The following CDH4 variants were observed in gnomAD, a reference collection of about 807,000 sequenced individuals.
CDH4 encodes cadherin-4.
CDH4 carries 33 observed loss-of-function variants against 86.0 expected under a neutral mutation model. That is an observed-to-expected ratio of 0.38 (90% CI 0.29 to 0.51). The LOEUF (loss-of-function observed/expected upper bound fraction) is 0.51. Among genes scored for constraint, CDH4 ranks in the 20% least tolerant of loss-of-function variants. The probability of loss-of-function intolerance (pLI) is 0.86; values close to 1 mark genes in which losing one functional copy is unlikely to be tolerated. For missense variants in CDH4, 1,114 were observed against 1,307.4 expected (o/e 0.85, Z 2.28); for synonymous variants, 555 against 549.4 (o/e 1.01, Z -0.14).
intron 2 of CDH4, among the ~76,000 whole-genome samples, chr20:61,631,058 G>A (rs1189736340): frequency 2.6e-5 from 4 of 152,242 alleles, no homozygotes; most frequent in Non-Finnish European, 5.9e-5. Flanking sequence ...TCTAACGTGT[G>A]AGGACAGAGG....
intron 6 of CDH4, 84 bp from the exon 7 acceptor site, chr20:61,873,644 G>A: frequency 6.9e-7 from 1 of 1,445,834 alleles, no homozygotes; most frequent in South Asian, 1.3e-5. Flanking sequence ...GAGCTCTGTG[G>A]TCGGGGGGCT....
Position 61,884,680 on chromosome 20 carries a change from GCACCT to G in CDH4, c.1051-10223_1051-10219del, listed in dbSNP as rs140179149. ...CTGCATTTGAAGGCTGAAGGGCTGA[GCACCT>G]CACCTCGGGGGCGGCTGCTGCTAGT... On this transcript the variant is annotated intron_variant, in intron 7 of 15. Transcript: ENST00000614565. Among the ~76,000 whole-genome samples the G allele has an allele frequency of 7.9e-3, 1,202 of 152,326 alleles. 12 individuals carry two copies. Among genetic ancestry groups the G allele is most frequent in the Non-Finnish European group, 0.014 (942 of 68,024 alleles).
chr20:61,547,229 CT>C (rs1225689407), intron 2 of CDH4, among the ~76,000 whole-genome samples: 2 of 118,978 alleles, frequency 1.7e-5, no homozygotes, highest in African/African-American at 6.2e-5. Flanking sequence ...TTTTTGCCCC[CT>C]GAGACGGAGT....
At chr20:61,342,939 C>G (rs1267605543) in intron 2 of CDH4, among the ~76,000 whole-genome samples, 1 of 152,204 alleles carries the variant, frequency 6.6e-6, no homozygotes, top group African/African-American at 2.4e-5. Context: ...AAAACAAAAA[C>G]AAAAAGTAAC....
chr20:61,689,849 G>A (rs868467243), intron 2 of CDH4, among the ~76,000 whole-genome samples: 2 of 136,952 alleles, frequency 1.5e-5, no homozygotes. Flanking sequence ...TGGGACGGTG[G>A]TTGGTGAGGT....
chr20:61,307,701 T>A lies in CDH4; in HGVS notation c.169+52764T>A. On this transcript the variant is annotated intron_variant, in intron 2 of 15. Transcript: ENST00000614565. ...ACTACATCAGGAAGAGGGGCTTTTGTTTTCTTTCCTGGGTGGTCCTAGGTG... is the reference window on the plus strand; with the variant it reads ...ACTACATCAGGAAGAGGGGCTTTTGATTTCTTTCCTGGGTGGTCCTAGGTG... Among the ~76,000 whole-genome samples the A allele has an allele frequency of 1.3e-5, 2 of 152,164 alleles. 1 individual carries two copies. The highest frequency in any genetic ancestry group is 2.9e-5 in the Non-Finnish European group (2 of 68,030).
chr20:61,389,994 G>A (rs529860451), intron 2 of CDH4, among the ~76,000 whole-genome samples: 4 of 146,664 alleles, frequency 2.7e-5, no homozygotes, highest in African/African-American at 1.0e-4. Context: ...ATGAGATCAT[G>A]CAGTCATAGG....
At chr20:61,724,561 C>T (rs989528030) in intron 2 of CDH4, among the ~76,000 whole-genome samples, 4 of 152,204 alleles carry the variant, frequency 2.6e-5, no homozygotes, top group African/African-American at 9.7e-5. Context: ...ACAGAAGAGG[C>T]AGCAGGAAGT....
At chr20:61,772,812 T>C (rs2088789397) in intron 3 of CDH4, among the ~76,000 whole-genome samples, 191 bp from the exon 4 acceptor site, 1 of 152,008 alleles carries the variant, frequency 6.6e-6, no homozygotes, top group Non-Finnish European at 1.5e-5. Flanking sequence ...GGGGTCTCAC[T>C]TGATTTTTTT....
intron 2 of CDH4, among the ~76,000 whole-genome samples, chr20:61,699,279 G>A (rs191539559): frequency 1.3e-5 from 2 of 152,114 alleles, no homozygotes; most frequent in East Asian, 3.9e-4. Flanking sequence ...CATGCGGCCT[G>A]GCTGATGAGG....
At chr20:61,476,557 TGAAG>T (rs1162963571) in intron 2 of CDH4, among the ~76,000 whole-genome samples, 1 of 152,162 alleles carries the variant, frequency 6.6e-6, no homozygotes, top group Non-Finnish European at 1.5e-5. Flanking sequence ...GCTGGAGAGT[TGAAG>T]GAAGGCCCCC....
At chr20:61,579,314 T>G (rs2086408156) in intron 2 of CDH4, among the ~76,000 whole-genome samples, 1 of 126,622 alleles carries the variant, frequency 7.9e-6, no homozygotes, top group African/African-American at 3.0e-5. Flanking sequence ...TGAGACGGAG[T>G]CTCTCTCTGT....
At chr20:61,785,683 T>C (rs1891577) in intron 4 of CDH4, among the ~76,000 whole-genome samples, 1 of 151,512 alleles carries the variant, frequency 6.6e-6, no homozygotes, top group East Asian at 1.9e-4. Context: ...GCAGGGCTCC[T>C]ACCCAGGTGT....
intron 2 of CDH4, among the ~76,000 whole-genome samples, chr20:61,336,697 T>G (rs1334904557): frequency 2.0e-5 from 3 of 152,204 alleles, no homozygotes; most frequent in African/African-American, 7.2e-5. Flanking sequence ...ATTGTCAATG[T>G]AGATTCTCAC....
chr20:61,423,899 A>G (rs1419870455), intron 2 of CDH4, among the ~76,000 whole-genome samples: 1 of 145,844 alleles, frequency 6.9e-6, no homozygotes, highest in African/African-American at 2.4e-5. Flanking sequence ...ATACCTTGTC[A>G]CTCCCTGTGC....
chr20:61,929,614 T>C lies in CDH4; in HGVS notation c.2011T>C (p.Tyr671His). ...TTACTGTTGCTTTGCACCAGGTGACTATGCCCAACTCAGCTTGCGCATCCT... is the reference window on the plus strand; with the variant it reads ...TTACTGTTGCTTTGCACCAGGTGACCATGCCCAACTCAGCTTGCGCATCCT... The part of the protein sequence containing the change: ...NWTITRLNGD[Y>H]AQLSLRILYL... The change falls in exon 13 of 16, where the codon TAT becomes CAT. Residue 671 changes from tyrosine (Y) to histidine (H), a missense_variant. Transcript: ENST00000614565. 6.2e-7 allele frequency: 1 copy of C among 1,612,856 alleles called. No homozygotes were observed. Among genetic ancestry groups the C allele is most frequent in the Non-Finnish European group, 8.5e-7 (1 of 1,179,062 alleles).
At chr20:61,449,313 G>T (rs1042864528) in intron 2 of CDH4, among the ~76,000 whole-genome samples, 2 of 152,236 alleles carry the variant, frequency 1.3e-5, no homozygotes, top group Non-Finnish European at 2.9e-5. Flanking sequence ...TGGACCCAAG[G>T]AAAGGGGAAA....
At chr20:61,816,830 C>T (rs1713274162) in intron 4 of CDH4, among the ~76,000 whole-genome samples, 1 of 152,208 alleles carries the variant, frequency 6.6e-6, no homozygotes, top group African/African-American at 2.4e-5. Context: ...AGCAGGCAGC[C>T]CTGAGCTCGC....
intron 3 of CDH4, among the ~76,000 whole-genome samples, 198 bp from the exon 4 acceptor site, chr20:61,772,805 G>T (rs2088789270): frequency 6.6e-6 from 1 of 151,960 alleles, no homozygotes; most frequent in Non-Finnish European, 1.5e-5. Context: ...ATTGATGGGG[G>T]TCTCACTTGA....
Sources: gnomAD v4.1 joint callset for allele counts (sites outside exome capture counted in the v4.1 genomes callset) on GRCh38, gnomAD v4.1.1 for gene constraint, MANE v1.5 for transcripts, NCBI Gene and HGNC (gene_info 2026-07-23, HGNC 2026-07-21) for gene names.